The following FCHSD2 variants were observed in gnomAD, a reference collection of about 807,000 sequenced individuals.
FCHSD2 encodes F-BAR and double SH3 domains protein 2.
A neutral mutation model predicts 108.1 loss-of-function variants in FCHSD2; 38 were observed. The ratio of observed to expected loss-of-function variants is 0.35; its 90% CI spans 0.27 to 0.46. FCHSD2 has a LOEUF of 0.46. Ranked by LOEUF, FCHSD2 falls within the 20% of genes least tolerant of loss-of-function variation. The probability of loss-of-function intolerance (pLI) is 1.00; values close to 1 mark genes in which losing one functional copy is unlikely to be tolerated. For synonymous variants in FCHSD2, 279 were observed against 314.7 expected (o/e 0.89, Z 1.20); for missense variants, 751 against 897.8 (o/e 0.84, Z 2.09).
At chr11:72,867,351 C>T (rs1294695154) in intron 13 of FCHSD2, among the ~76,000 whole-genome samples, 1 of 152,080 alleles carries the variant, frequency 6.6e-6, no homozygotes, top group African/African-American at 2.4e-5. Flanking sequence ...TAAGCTGTGT[C>T]CTGGCCTTGT....
intron 4 of FCHSD2, among the ~76,000 whole-genome samples, chr11:73,007,517 T>C (rs1338014911): frequency 6.6e-6 from 1 of 151,826 alleles, no homozygotes; most frequent in Non-Finnish European, 1.5e-5. Context: ...GGAGGTGATG[T>C]GGAAGGATCA....
chr11:72,861,075 A>G (rs1007060436), intron 13 of FCHSD2, among the ~76,000 whole-genome samples: 2 of 152,112 alleles, frequency 1.3e-5, no homozygotes, highest in Non-Finnish European at 2.9e-5. Flanking sequence ...AAGAAAATAG[A>G]AAAGAGAAAA....
chr11:73,061,618 T>C (rs955795799), intron 3 of FCHSD2, among the ~76,000 whole-genome samples: 4 of 152,100 alleles, frequency 2.6e-5, no homozygotes, highest in Non-Finnish European at 5.9e-5. Flanking sequence ...ACGCTCGAGC[T>C]TGGTGTGGGG....
chr11:73,115,402 CT>C (rs1373805220), intron 2 of FCHSD2, among the ~76,000 whole-genome samples: 24 of 152,298 alleles, frequency 1.6e-4, no homozygotes, highest in Admixed American at 1.6e-3. Context: ...CTAGGATAGT[CT>C]CGTTCTCCTG....
intron 8 of FCHSD2, among the ~76,000 whole-genome samples, chr11:72,929,968 G>A (rs1856155349): frequency 6.6e-6 from 1 of 152,186 alleles, no homozygotes; most frequent in Non-Finnish European, 1.5e-5. Flanking sequence ...GCAGACTCCA[G>A]TTGTGTAAGA....
intron 8 of FCHSD2, among the ~76,000 whole-genome samples, chr11:72,979,080 A>C (rs1857165232): frequency 6.6e-6 from 1 of 150,688 alleles, no homozygotes; most frequent in African/African-American, 2.4e-5. Flanking sequence ...CTGGTCTCAA[A>C]CTCCTGACCT....
chr11:72,860,850 T>C lies in FCHSD2; in HGVS notation c.1308+7015A>G, dbSNP rs374100201. ...AAAAAATGTAAATTAGAAAATATTT[T>C]GAACTGGATAAAAATGATGACACAA... On this transcript the variant is annotated intron_variant, in intron 13 of 19. Transcript: ENST00000409418. Among the ~76,000 whole-genome samples the C allele has an allele frequency of 1.1e-4, 17 of 152,132 alleles. No homozygotes were observed. The East Asian group carries it at 3.1e-3, about 28-fold the overall frequency.
In FCHSD2 at chr11:73,126,296, C is replaced by T. The variant is rs1385428168; in HGVS notation, c.119+13735G>A. Among the ~76,000 whole-genome samples, 13 of 133,464 alleles carry T rather than the reference C, an allele frequency of 9.7e-5. No homozygotes were observed. In the South Asian group the frequency reaches 9.8e-4, roughly 10 times the overall value. The allele number at this position is 133,464 out of a possible 152,430, so 87.6% of individuals were successfully genotyped here. A position where few individuals can be genotyped will look rare whatever the true frequency, so the allele number is the denominator to read the frequency against. On this transcript the variant is annotated intron_variant, in intron 2 of 19. Coordinates refer to ENST00000409418, the MANE Select transcript of FCHSD2 (RefSeq NM_014824.3). ...CAGAGGTTGCAGTGAGCTGAGATCA[C>T]GCCACTGCACTCCAGCCTGGGCAAC...
intron 10 of FCHSD2, chr11:72,900,342 AT>A (rs752103897): frequency 1.3e-6 from 2 of 1,540,908 alleles, no homozygotes; most frequent in South Asian, 2.4e-5. Flanking sequence ...CCCAGTAAAG[AT>A]TGCACAAGGA....
At chr11:72,872,291 T>C (rs1439560541) in intron 12 of FCHSD2, among the ~76,000 whole-genome samples, 3 of 148,820 alleles carry the variant, frequency 2.0e-5, no homozygotes, top group African/African-American at 7.3e-5. Context: ...CTTTTCTTTT[T>C]TTTTTTTTTT....
intron 9 of FCHSD2, among the ~76,000 whole-genome samples, chr11:72,911,614 T>A (rs929764894): frequency 6.6e-6 from 1 of 152,224 alleles, no homozygotes; most frequent in African/African-American, 2.4e-5. Flanking sequence ...TCCCAATCCA[T>A]CAACATGGAA....
At chr11:72,985,279 T>C (rs1339654895) in intron 6 of FCHSD2, among the ~76,000 whole-genome samples, 163 bp from the exon 7 acceptor site, 1 of 150,808 alleles carries the variant, frequency 6.6e-6, no homozygotes, top group Non-Finnish European at 1.5e-5. Flanking sequence ...TTTTCCTTTA[T>C]TTTACTACAG....
At chr11:72,953,062 T>C (rs1856646788) in intron 8 of FCHSD2, among the ~76,000 whole-genome samples, 1 of 152,218 alleles carries the variant, frequency 6.6e-6, no homozygotes, top group South Asian at 2.1e-4. Flanking sequence ...TATGAAGTTA[T>C]TGTGCTCCAA....
At chr11:72,865,038 C>T (rs968472570) in intron 13 of FCHSD2, among the ~76,000 whole-genome samples, 1 of 152,218 alleles carries the variant, frequency 6.6e-6, no homozygotes, top group Non-Finnish European at 1.5e-5. Context: ...AAGTATAGTT[C>T]CTTCCTTATT....
At chr11:73,033,716 AC>A (rs1249834963) in intron 3 of FCHSD2, among the ~76,000 whole-genome samples, 1 of 152,244 alleles carries the variant, frequency 6.6e-6, no homozygotes, top group Non-Finnish European at 1.5e-5. Context: ...TAGTAAAAAG[AC>A]CAGGACTTTG....
At position 72,902,526 on chromosome 11, in the gene FCHSD2, A is replaced by G. The variant is rs1855546747; in HGVS notation, c.924+17T>C. ...CAACTGAACAACACATGAAATGAAA[A>G]TCTATAATTCCCTTACAGTATCACT... is the stretch of plus-strand genomic sequence containing the variant. On this transcript the variant is annotated intron_variant, in intron 10 of 19. Coordinates refer to ENST00000409418, the MANE Select transcript of FCHSD2 (RefSeq NM_014824.3). 2.6e-6 allele frequency: 4 copies of G among 1,513,432 alleles called. No homozygotes were observed. Among genetic ancestry groups the G allele is most frequent in the Non-Finnish European group, 3.6e-6 (4 of 1,109,588 alleles). 93.8% of individuals were successfully genotyped at this position (1,513,432 alleles called of 1,614,324 possible).
intron 2 of FCHSD2, among the ~76,000 whole-genome samples, chr11:73,092,024 G>C (rs1295747025): frequency 6.6e-6 from 1 of 152,050 alleles, no homozygotes; most frequent in East Asian, 1.9e-4. Context: ...GACAGAATGA[G>C]ACTCACTCTC....
In FCHSD2 at chr11:73,086,305, A is replaced by AG. The variant is rs1565403365; in HGVS notation, c.120-2566dup. Among the ~76,000 whole-genome samples, 3 of 152,320 alleles carry AG rather than the reference A, an allele frequency of 2.0e-5. No individual in the cohort carries two copies. In the East Asian group the frequency reaches 5.8e-4, roughly 29 times the overall value. The stretch of plus-strand genomic sequence containing the variant: ...GTGCCTGTGGTCCCAGCTACTCGGG[A>AG]GGCTGAGGCAGGAGAATTGCTTGAA... On this transcript the variant is annotated intron_variant, in intron 2 of 19. Coordinates refer to ENST00000409418, the MANE Select transcript of FCHSD2 (RefSeq NM_014824.3).
chr11:72,961,038 C>A (rs530222774), intron 8 of FCHSD2, among the ~76,000 whole-genome samples: 1 of 152,302 alleles, frequency 6.6e-6, no homozygotes, highest in South Asian at 2.1e-4. Context: ...AGGTAACACA[C>A]ATGTGAGGCT....
Sources: allele counts gnomAD v4.1 joint callset (sites outside exome capture counted in the v4.1 genomes callset), GRCh38; gene constraint gnomAD v4.1.1; transcripts MANE v1.5; gene names NCBI Gene and HGNC (gene_info 2026-07-23, HGNC 2026-07-21).